The following SLC9A9 variants were observed in gnomAD, a reference collection of about 807,000 sequenced individuals.
SLC9A9 encodes sodium/hydrogen exchanger 9.
SLC9A9 carries 62 observed loss-of-function variants against 77.8 expected under a neutral mutation model. The ratio of observed to expected loss-of-function variants is 0.80; its 90% confidence interval spans 0.65 to 0.98. The LOEUF (loss-of-function observed/expected upper bound fraction) is 0.98. Among genes scored for constraint, SLC9A9 ranks in the 50% least tolerant of loss-of-function variants. The pLI is 0.00. For missense variants in SLC9A9, 775 were observed against 774.9 expected, an observed-to-expected ratio of 1.00 and a Z score of 0.00; for synonymous variants, 320 against 283.5, an observed-to-expected ratio of 1.13 and a Z score of -1.29.
chr3:143,773,609 C>T (rs559428757), intron 4 of SLC9A9, among the ~76,000 whole-genome samples: 1 of 152,104 alleles, frequency 6.6e-6, no homozygotes, highest in Admixed American at 6.6e-5. Context: ...CTCAGCCTCC[C>T]AAGTAGCTGA....
At chr3:143,613,883 ATGT>A (rs1280276095) in intron 6 of SLC9A9, among the ~76,000 whole-genome samples, 3 of 152,186 alleles carry the variant, frequency 2.0e-5, no homozygotes, top group Non-Finnish European at 4.4e-5. Context: ...AATTAAAATA[ATGT>A]TGTCCATTCT....
chr3:143,566,839 T>C (rs1382379641), intron 8 of SLC9A9, among the ~76,000 whole-genome samples: 2 of 152,116 alleles, frequency 1.3e-5, no homozygotes, highest in Admixed American at 1.3e-4. Flanking sequence ...AGTTTGCTTC[T>C]GGCGAAAACC....
chr3:143,561,111 G>T (rs1576577879), intron 8 of SLC9A9, among the ~76,000 whole-genome samples: 1 of 152,198 alleles, frequency 6.6e-6, no homozygotes, highest in African/African-American at 2.4e-5. Context: ...AACCCGGGAG[G>T]TGCAAGTTGC....
chr3:143,520,955 A>G (rs926069838), intron 9 of SLC9A9, among the ~76,000 whole-genome samples: 2 of 152,202 alleles, frequency 1.3e-5, no homozygotes, highest in Non-Finnish European at 2.9e-5. Context: ...GAACTGAAGT[A>G]ATTCTTTATT....
chr3:143,541,989 C>G (rs2036698040), intron 9 of SLC9A9, among the ~76,000 whole-genome samples: 1 of 152,166 alleles, frequency 6.6e-6, no homozygotes, highest in African/African-American at 2.4e-5. Context: ...AAGGTACCCA[C>G]TATTGAAGGT....
rs1318623556 is a variant in SLC9A9, at chr3:143,550,546, G to A, written c.1089+1816C>T. ...GAAATGTAACTTCTTCAACACTGGG[G>A]CTTTCTTTTCTATCAGGAGAAGAAT... On this transcript the variant is annotated intron_variant, in intron 9 of 15. Coordinates refer to ENST00000316549, the MANE Select transcript of SLC9A9 (RefSeq NM_173653.4). Among the ~76,000 whole-genome samples the A allele has an allele frequency of 1.3e-5, 2 of 152,102 alleles. 1 individual carries two copies. Among genetic ancestry groups the A allele is most frequent in the Admixed American group, 1.3e-4 (2 of 15,270 alleles).
intron 4 of SLC9A9, among the ~76,000 whole-genome samples, chr3:143,794,214 T>G (rs2008304938): frequency 1.3e-5 from 2 of 152,194 alleles, no homozygotes; most frequent in African/African-American, 2.4e-5. Context: ...TTAGCATCAG[T>G]TTCTTGTGCT....
intron 6 of SLC9A9, among the ~76,000 whole-genome samples, chr3:143,645,287 GA>G: frequency 6.6e-6 from 1 of 152,022 alleles, no homozygotes; most frequent in Non-Finnish European, 1.5e-5. Flanking sequence ...GTTACCAAGA[GA>G]AAAAATGGAA....
intron 6 of SLC9A9, among the ~76,000 whole-genome samples, chr3:143,641,169 C>G (rs941107738): frequency 6.6e-6 from 1 of 151,974 alleles, no homozygotes; most frequent in Non-Finnish European, 1.5e-5. Context: ...CATGACATGT[C>G]CACAATTGGA....
At chr3:143,432,746 G>A (rs2034544459) in intron 12 of SLC9A9, among the ~76,000 whole-genome samples, 1 of 152,168 alleles carries the variant, frequency 6.6e-6, no homozygotes, top group Non-Finnish European at 1.5e-5. Context: ...TCCTGCCTCA[G>A]ACTCCCAAGT....
intron 2 of SLC9A9, among the ~76,000 whole-genome samples, chr3:143,820,877 A>G (rs1048307508): frequency 1.3e-5 from 2 of 151,750 alleles, no homozygotes; most frequent in Non-Finnish European, 2.9e-5. Context: ...AATATACAGG[A>G]GCATCTCAAT....
At chr3:143,494,095 C>A (rs1169151977) in intron 10 of SLC9A9, among the ~76,000 whole-genome samples, 3 of 152,168 alleles carry the variant, frequency 2.0e-5, no homozygotes, top group African/African-American at 7.2e-5. Flanking sequence ...GAGGCAGAGA[C>A]CATTCAGATG....
rs143911408 is a variant in SLC9A9 at position 143,599,410 on chromosome 3, G to C, written c.756-20687C>G. Among the ~76,000 whole-genome samples the C allele has an allele frequency of 1.9e-3, 295 of 152,278 alleles. 2 individuals carry two copies. The highest frequency in any genetic ancestry group is 6.4e-3 in the African/African-American group (266 of 41,554). ...CTTTTCTTCTATAAGGAGAGCCTCTGTTTGCAAAGAAATACGGCTGTGCTT... is the reference window on the plus strand; with the variant it reads ...CTTTTCTTCTATAAGGAGAGCCTCTCTTTGCAAAGAAATACGGCTGTGCTT... On this transcript the variant is annotated intron_variant, in intron 6 of 15. Coordinates refer to ENST00000316549, the MANE Select transcript of SLC9A9 (RefSeq NM_173653.4).
chr3:143,764,146 A>G (rs1309712714), intron 4 of SLC9A9, among the ~76,000 whole-genome samples: 2 of 152,122 alleles, frequency 1.3e-5, no homozygotes, highest in African/African-American at 4.8e-5. Flanking sequence ...AGGAAAAGCC[A>G]TTTTTCTTCT....
At chr3:143,762,277 A>G (rs1270416585) in intron 4 of SLC9A9, among the ~76,000 whole-genome samples, 1 of 152,188 alleles carries the variant, frequency 6.6e-6, no homozygotes, top group African/African-American at 2.4e-5. Context: ...CCAACATGGC[A>G]CATGTATACA....
intron 9 of SLC9A9, among the ~76,000 whole-genome samples, chr3:143,507,270 C>T (rs866420520): frequency 1.5e-4 from 23 of 151,990 alleles, no homozygotes; most frequent in Admixed American, 4.6e-4. Flanking sequence ...TGCAGTGGCG[C>T]GATCTCTGCT....
chr3:143,443,233 T>A (rs1342851134), intron 12 of SLC9A9, among the ~76,000 whole-genome samples: 1 of 152,116 alleles, frequency 6.6e-6, no homozygotes, highest in African/African-American at 2.4e-5. Context: ...AGGTTTAAAA[T>A]CATTTGTCTC....
At chr3:143,602,247 C>T (rs1487411389) in intron 6 of SLC9A9, among the ~76,000 whole-genome samples, 1 of 152,188 alleles carries the variant, frequency 6.6e-6, no homozygotes, top group Non-Finnish European at 1.5e-5. Flanking sequence ...CACTATGGGA[C>T]CAGCAGCACG....
chr3:143,336,601 G>C (rs2031931564), intron 14 of SLC9A9, among the ~76,000 whole-genome samples: 1 of 152,162 alleles, frequency 6.6e-6, no homozygotes, highest in Non-Finnish European at 1.5e-5. Flanking sequence ...CTACAACATA[G>C]ATGAAGCTTA....
Sources: allele counts gnomAD v4.1 joint callset (sites outside exome capture counted in the v4.1 genomes callset), GRCh38; gene constraint gnomAD v4.1.1; transcripts MANE v1.5; gene names NCBI Gene and HGNC (gene_info 2026-07-23, HGNC 2026-07-21).